IL1RAP: variants seen among roughly 807,000 people sequenced by gnomAD.
IL1RAP encodes interleukin-1 receptor accessory protein.
IL1RAP carries 35 observed loss-of-function variants against 60.7 expected under a neutral mutation model. The ratio of observed to expected loss-of-function variants is 0.58; its 90% CI spans 0.44 to 0.76. IL1RAP has a LOEUF of 0.76. IL1RAP is among the 30% of genes least tolerant of loss of function. The pLI is 0.00. For synonymous variants in IL1RAP, 268 were observed against 250.9 expected, an observed-to-expected ratio of 1.07 and a Z score of -0.64; for missense variants, 572 against 693.9, an observed-to-expected ratio of 0.82 and a Z score of 1.97.
Position 190,648,896 on chromosome 3 carries a change from C to T in IL1RAP, c.*191C>T. Reference sequence around the variant, plus strand: ...GCAACACTAAAGTTTAGAAAGATATCATCAACGTTCTGTCACCAGTCTCTG... The same window carrying T: ...GCAACACTAAAGTTTAGAAAGATATTATCAACGTTCTGTCACCAGTCTCTG... On this transcript the variant is annotated 3_prime_UTR_variant, in exon 12 of 12. Transcript: ENST00000447382. 7.3e-7 allele frequency: 1 copy of T among 1,376,604 alleles called. No homozygotes were observed. Among genetic ancestry groups the T allele is most frequent in the Non-Finnish European group, 9.4e-7 (1 of 1,068,000 alleles). 85.3% of individuals were successfully genotyped at this position (1,376,604 alleles called of 1,614,324 possible).
At chr3:190,588,013 G>C (rs1459651390) in intron 3 of IL1RAP, among the ~76,000 whole-genome samples, 2 of 152,210 alleles carry the variant, frequency 1.3e-5, no homozygotes, top group South Asian at 2.1e-4. Flanking sequence ...GTCTTTGGTG[G>C]GATGTGGTGG....
At chr3:190,580,410 A>G (rs1242552731) in intron 3 of IL1RAP, among the ~76,000 whole-genome samples, 1 of 152,224 alleles carries the variant, frequency 6.6e-6, no homozygotes, top group Non-Finnish European at 1.5e-5. Flanking sequence ...CAAAACTTCC[A>G]TAGTGTTTTT....
downstream of IL1RAP, among the ~76,000 whole-genome samples, chr3:190,654,788 T>G (rs78386878): frequency 0.019 from 2,870 of 152,304 alleles, 99 homozygotes; most frequent in African/African-American, 0.066. Flanking sequence ...GTTTTCAAAG[T>G]TATAAATGGC....
chr3:190,521,003 G>T (rs796476487), intron 1 of IL1RAP, among the ~76,000 whole-genome samples: 3 of 152,106 alleles, frequency 2.0e-5, no homozygotes, highest in Non-Finnish European at 4.4e-5. Flanking sequence ...GAATTATTTG[G>T]TCTATCTTTG....
At position 190,573,214 on chromosome 3, in the gene IL1RAP, A is replaced by C. The variant is rs181561571; in HGVS notation, c.64+8861A>C. ...GTACAGCAGAGATGGTGGAGACTTA[A>C]AGCTTTGCATGCCCCTCAGGATAAT... On this transcript the variant is annotated intron_variant, in intron 3 of 11. Coordinates refer to ENST00000447382, the MANE Select transcript of IL1RAP (RefSeq NM_002182.4). Among the ~76,000 whole-genome samples the C allele has an allele frequency of 6.4e-3, 982 of 152,266 alleles. 7 individuals carry two copies. The highest frequency in any genetic ancestry group is 9.0e-3 in the Non-Finnish European group (611 of 68,014).
intron 5 of IL1RAP, among the ~76,000 whole-genome samples, chr3:190,613,081 C>T (rs1184800301): frequency 2.0e-5 from 3 of 152,232 alleles, no homozygotes; most frequent in African/African-American, 7.2e-5. Flanking sequence ...AAAATGTAAA[C>T]TTCTAAGTTT....
At chr3:190,574,473 G>C (rs1206770385) in intron 3 of IL1RAP, among the ~76,000 whole-genome samples, 1 of 152,094 alleles carries the variant, frequency 6.6e-6, no homozygotes, top group African/African-American at 2.4e-5. Flanking sequence ...TTATTCATAT[G>C]GCTTCCCCTG....
In IL1RAP at chr3:190,649,313, T is replaced by C. The variant is rs560028170; in HGVS notation, c.*608T>C. On this transcript the variant is annotated 3_prime_UTR_variant, in exon 12 of 12. Coordinates refer to ENST00000447382, the MANE Select transcript of IL1RAP (RefSeq NM_002182.4). ...AAGGACTTGTCTTCTATACCACCCT[T>C]GTCCTCATCTCAGGTAATTTATGAA... 11 of 984,770 alleles carry C rather than the reference T, an allele frequency of 1.1e-5. No homozygotes were observed. Among genetic ancestry groups the C allele is most frequent in the Non-Finnish European group, 1.3e-5 (11 of 829,034 alleles). 61.0% of individuals were successfully genotyped at this position (984,770 alleles called of 1,614,324 possible).
intron 3 of IL1RAP, among the ~76,000 whole-genome samples, chr3:190,596,170 C>T (rs1352409689): frequency 6.6e-6 from 1 of 152,210 alleles, no homozygotes; most frequent in Non-Finnish European, 1.5e-5. Flanking sequence ...ACCTGAGTTT[C>T]CTGATTTTTT....
chr3:190,636,112 A>T (rs1733201638), intron 9 of IL1RAP, among the ~76,000 whole-genome samples: 1 of 151,492 alleles, frequency 6.6e-6, no homozygotes, highest in Admixed American at 6.6e-5. Context: ...ATTGGTACTT[A>T]AAAAAAAAGT....
rs1042374011 is a variant in IL1RAP, at chr3:190,651,460, T to C, written c.*2755T>C. On this transcript the variant is annotated 3_prime_UTR_variant, in exon 12 of 12. Coordinates refer to ENST00000447382, the MANE Select transcript of IL1RAP (RefSeq NM_002182.4). ...GAACTTTTGTATTTTTCATTTTTCA[T>C]TTGATTTGTAAATTTACTTATGTTA... 3 of 543,076 alleles carry C rather than the reference T, an allele frequency of 5.5e-6. No individual in the cohort carries two copies. In the African/African-American group the frequency reaches 6.2e-5, roughly 11 times the overall value. 33.6% of individuals were successfully genotyped at this position (543,076 alleles called of 1,614,324 possible).
intron 7 of IL1RAP, chr3:190,624,629 A>T (rs5003916): frequency 1.5e-4 from 29 of 187,870 alleles, no homozygotes; most frequent in Middle Eastern, 1.1e-3. Flanking sequence ...TAAAAAAAAA[A>T]GGTGGAAAAA....
chr3:190,655,161 C>T (rs1734572393), downstream of IL1RAP, among the ~76,000 whole-genome samples: 1 of 152,134 alleles, frequency 6.6e-6, no homozygotes, highest in Admixed American at 6.5e-5. Context: ...AACTGAGAAT[C>T]TTAGGAGGTG....
chr3:190,640,536 T>G (rs753111621), intron 9 of IL1RAP, among the ~76,000 whole-genome samples: 21 of 152,188 alleles, frequency 1.4e-4, no homozygotes, highest in Admixed American at 3.9e-4. Flanking sequence ...TTCCAAAAAT[T>G]ATCCATCAGT....
At chr3:190,634,182 A>G (rs1241194940) in intron 9 of IL1RAP, among the ~76,000 whole-genome samples, 5 of 152,040 alleles carry the variant, frequency 3.3e-5, no homozygotes, top group Non-Finnish European at 5.9e-5. Context: ...CCAATTTTGC[A>G]TGTCCAGAAT....
chr3:190,573,618 C>G lies in IL1RAP; in HGVS notation c.64+9265C>G, dbSNP rs567777301. ...TTAAGGCAAACTTTTAGCTCTCTCA[C>G]CTTTATTACTCTAAATATCCTGTTC... is the stretch of plus-strand genomic sequence containing the variant. On this transcript the variant is annotated intron_variant, in intron 3 of 11. Transcript: ENST00000447382. 5.3e-5 allele frequency among the ~76,000 whole-genome samples: 8 copies of G among 152,228 alleles called. No individual in the cohort carries two copies. The East Asian group carries it at 1.5e-3, about 29-fold the overall frequency.
chr3:190,621,421 A>C (rs1314999778), intron 6 of IL1RAP, among the ~76,000 whole-genome samples: 1 of 152,218 alleles, frequency 6.6e-6, no homozygotes, highest in Non-Finnish European at 1.5e-5. Flanking sequence ...TTGGGGATTA[A>C]TTCATAAGAA....
chr3:190,612,391 C>T (rs11917841), intron 5 of IL1RAP, among the ~76,000 whole-genome samples: 3,011 of 152,046 alleles, frequency 0.02, 87 homozygotes, highest in African/African-American at 0.069. Context: ...AGTTTTGTTC[C>T]CATACACATC....
rs1221581797 is a variant in IL1RAP, at chr3:190,629,303, T to C, written c.903-47T>C. The C allele has an allele frequency of 2.2e-6, 3 of 1,388,460 alleles. No homozygotes were observed. The Admixed American group carries it at 5.7e-5, about 26-fold the overall frequency. 86.0% of individuals were successfully genotyped at this position (1,388,460 alleles called of 1,614,324 possible). A position where few individuals can be genotyped will look rare whatever the true frequency, so the allele number is the denominator to read the frequency against. The stretch of plus-strand genomic sequence containing the variant: ...GTCTGATTCCTACACAGTCCATAGC[T>C]CTTGAGTCACTCTCAAATGCTTTGA... On this transcript the variant is annotated intron_variant, in intron 8 of 11. Coordinates refer to ENST00000447382, the MANE Select transcript of IL1RAP (RefSeq NM_002182.4).
Sources: gnomAD v4.1 joint callset for allele counts (sites outside exome capture counted in the v4.1 genomes callset) on GRCh38, gnomAD v4.1.1 for gene constraint, MANE v1.5 for transcripts, NCBI Gene and HGNC (gene_info 2026-07-23, HGNC 2026-07-21) for gene names.